Variants in BNC2 observed in about 807,000 individuals in gnomAD.
The protein encoded by BNC2 is zinc finger protein basonuclin-2.
In BNC2, 20 loss-of-function variants were observed where a neutral mutation model predicts 76.3. The ratio of observed to expected loss-of-function variants is 0.26; its 90% CI spans 0.18 to 0.38. The LOEUF is 0.38. Ranked by LOEUF, BNC2 falls within the 10% of genes least tolerant of loss-of-function variation. BNC2 has a pLI of 1.00. For missense variants in BNC2, 1,382 were observed against 1,399.8 expected (o/e 0.99, Z 0.20); for synonymous variants, 582 against 514.8 (o/e 1.13, Z -1.77).
At chr9:16,425,687 C>T (rs1173483227) in intron 6 of BNC2, among the ~76,000 whole-genome samples, 2 of 152,176 alleles carry the variant, frequency 1.3e-5, no homozygotes, top group East Asian at 1.9e-4. Flanking sequence ...CACTTTGCAA[C>T]TTTATAAATG....
intron 5 of BNC2, among the ~76,000 whole-genome samples, chr9:16,527,732 T>A (rs1035250153): frequency 6.6e-6 from 1 of 152,202 alleles, no homozygotes; most frequent in Admixed American, 6.5e-5. Flanking sequence ...TTAACAGCTG[T>A]ACCTACTGCT....
chr9:16,689,022 GGCC>G (rs1823064603), intron 3 of BNC2, among the ~76,000 whole-genome samples: 1 of 151,882 alleles, frequency 6.6e-6, no homozygotes, highest in Non-Finnish European at 1.5e-5. Flanking sequence ...AACAAGGGAG[GGCC>G]AGTGGGCATT....
intron 3 of BNC2, among the ~76,000 whole-genome samples, chr9:16,698,297 T>C (rs1298815278): frequency 6.8e-6 from 1 of 146,856 alleles, no homozygotes; most frequent in African/African-American, 2.6e-5. Context: ...AGCAAGGATG[T>C]TCATATTTAA....
At chr9:16,584,700 T>C (rs1819722842) in intron 3 of BNC2, among the ~76,000 whole-genome samples, 1 of 152,154 alleles carries the variant, frequency 6.6e-6, no homozygotes, top group Non-Finnish European at 1.5e-5. Context: ...CTTCCAGAAG[T>C]TCTTAAATTT....
intron 5 of BNC2, among the ~76,000 whole-genome samples, chr9:16,494,109 A>C (rs971050227): frequency 5.3e-5 from 8 of 152,216 alleles, no homozygotes; most frequent in African/African-American, 1.7e-4. Context: ...GGTGGAAGAG[A>C]AACAGACACA....
At chr9:16,542,787 G>A (rs1364938500) in intron 5 of BNC2, among the ~76,000 whole-genome samples, 2 of 152,136 alleles carry the variant, frequency 1.3e-5, no homozygotes, top group African/African-American at 4.8e-5. Context: ...TCAAATAAAT[G>A]TATCTTTATT....
chr9:16,788,468 G>A (rs1031567807), intron 1 of BNC2, among the ~76,000 whole-genome samples: 1 of 151,446 alleles, frequency 6.6e-6, no homozygotes, highest in Non-Finnish European at 1.5e-5. Context: ...CAGGAGAATG[G>A]CGTGAACCCA....
chr9:16,771,493 T>C (rs994684595), intron 1 of BNC2, among the ~76,000 whole-genome samples: 3 of 152,220 alleles, frequency 2.0e-5, no homozygotes, highest in African/African-American at 7.2e-5. Context: ...TATGTGTTCA[T>C]TTTCATCCAA....
At chr9:16,821,597 C>T (rs1818330773) in intron 1 of BNC2, among the ~76,000 whole-genome samples, 1 of 152,132 alleles carries the variant, frequency 6.6e-6, no homozygotes, top group South Asian at 2.1e-4. Context: ...CAAGAGGTTA[C>T]AACATATCAG....
intron 4 of BNC2, among the ~76,000 whole-genome samples, chr9:16,563,390 G>C (rs1219544059): frequency 1.3e-5 from 2 of 152,020 alleles, no homozygotes; most frequent in African/African-American, 4.8e-5. Flanking sequence ...AGGCCTAGGA[G>C]GACAGATCAC....
chr9:16,543,860 A>G (rs966996418), intron 5 of BNC2, among the ~76,000 whole-genome samples: 1 of 152,194 alleles, frequency 6.6e-6, no homozygotes, highest in African/African-American at 2.4e-5. Context: ...GAGGCTTGCC[A>G]GGACAGTGTT....
intron 3 of BNC2, among the ~76,000 whole-genome samples, chr9:16,651,877 C>T (rs546870602): frequency 3.4e-4 from 52 of 152,182 alleles, no homozygotes; most frequent in African/African-American, 1.2e-3. Context: ...GAGAGAAAGA[C>T]GATTAGCATG....
intron 3 of BNC2, among the ~76,000 whole-genome samples, chr9:16,650,557 A>AT (rs1264317835): frequency 4.6e-5 from 7 of 150,802 alleles, no homozygotes; most frequent in African/African-American, 1.5e-4. Context: ...ATTTTTTTTT[A>AT]TTTTTTTTAC....
intron 3 of BNC2, among the ~76,000 whole-genome samples, chr9:16,652,943 G>A (rs1385642739): frequency 6.6e-6 from 1 of 152,024 alleles, no homozygotes; most frequent in Non-Finnish European, 1.5e-5. Flanking sequence ...CTTCCTCAAG[G>A]GCACCCTGTG....
intron 3 of BNC2, among the ~76,000 whole-genome samples, chr9:16,586,187 G>C (rs1002396921): frequency 1.3e-5 from 2 of 152,036 alleles, no homozygotes; most frequent in African/African-American, 4.8e-5. Context: ...AAGAGGGTTG[G>C]AGGCTCTCAG....
At chr9:16,532,781 G>A (rs1337583147) in intron 5 of BNC2, among the ~76,000 whole-genome samples, 8 of 152,102 alleles carry the variant, frequency 5.3e-5, no homozygotes, top group Admixed American at 3.3e-4. Flanking sequence ...TTCTACTTAC[G>A]TCTGGTATGG....
chr9:16,522,573 G>A (rs1271816795), intron 5 of BNC2, among the ~76,000 whole-genome samples: 1 of 152,152 alleles, frequency 6.6e-6, no homozygotes, highest in Non-Finnish European at 1.5e-5. Flanking sequence ...GGGAGGGTGT[G>A]ACTGAGACTT....
rs185681275 is a variant in BNC2 at position 16,741,142 on chromosome 9, C to T, written c.4-2657G>A. Reference sequence around the variant, plus strand: ...CATGATAGGAAGGAATCGAGGAGTACTAGAAGGAAGAAAACATTGGGTCCA... The same window carrying T: ...CATGATAGGAAGGAATCGAGGAGTATTAGAAGGAAGAAAACATTGGGTCCA... On this transcript the variant is annotated intron_variant, in intron 1 of 6. Coordinates refer to ENST00000380672, the MANE Select transcript of BNC2 (RefSeq NM_017637.6). Among the ~76,000 whole-genome samples, 57 of 152,148 alleles carry T rather than the reference C, an allele frequency of 3.7e-4. 1 individual carries two copies. The highest frequency in any genetic ancestry group is 1.2e-3 in the African/African-American group (50 of 41,514).
chr9:16,460,313 A>G (rs1265585898), intron 5 of BNC2, among the ~76,000 whole-genome samples: 1 of 143,962 alleles, frequency 6.9e-6, no homozygotes. Context: ...AACGGAACAG[A>G]AAAAAAAAAA....
Sources: gnomAD v4.1 joint callset for allele counts (sites outside exome capture counted in the v4.1 genomes callset) on GRCh38, gnomAD v4.1.1 for gene constraint, MANE v1.5 for transcripts, NCBI Gene and HGNC (gene_info 2026-07-23, HGNC 2026-07-21) for gene names.